The following CRY1 variants were observed in gnomAD, a reference collection of about 807,000 sequenced individuals.
The protein encoded by CRY1 is cryptochrome circadian regulator 1, also known as cryptochrome-1.
In CRY1, 45 loss-of-function variants were observed where a neutral mutation model predicts 76.0. The ratio of observed to expected loss-of-function variants is 0.59; its 90% CI spans 0.47 to 0.76. CRY1 has a LOEUF of 0.76. Ranked by LOEUF, CRY1 falls within the 30% of genes least tolerant of loss-of-function variation. The probability of loss-of-function intolerance (pLI) is 0.00; values close to 1 mark genes in which losing one functional copy is unlikely to be tolerated. For synonymous variants in CRY1, 248 were observed against 244.0 expected (o/e 1.02, Z -0.15); for missense variants, 587 against 716.4 (o/e 0.82, Z 2.06).
chr12:107,007,159 A>G (rs562615400), intron 2 of CRY1, among the ~76,000 whole-genome samples: 44 of 152,350 alleles, frequency 2.9e-4, no homozygotes, highest in Non-Finnish European at 4.9e-4. Context: ...TGAAATTTAA[A>G]AATAAAACTA....
In CRY1 at chr12:107,021,707, T is replaced by G. The variant is rs982719641; in HGVS notation, c.267+377A>C. 2.0e-5 allele frequency among the ~76,000 whole-genome samples: 3 copies of G among 151,872 alleles called. No homozygotes were observed. The East Asian group carries it at 5.8e-4, about 29-fold the overall frequency. On this transcript the variant is annotated intron_variant, in intron 2 of 12. Transcript: ENST00000008527. ...ATGTGTGTGTGTGTATACACATATA[T>G]ATATACACACACACACACAAAAATA...
chr12:107,001,735 G>C (rs115638796), intron 4 of CRY1, 29 bp downstream of exon 4: 1 of 1,485,632 alleles, frequency 6.7e-7, no homozygotes, highest in African/African-American at 1.5e-5. Context: ...TAACTTGCAA[G>C]CCTCACACTG....
chr12:107,050,611 G>A (rs1216817516), intron 1 of CRY1, among the ~76,000 whole-genome samples: 3 of 152,156 alleles, frequency 2.0e-5, no homozygotes, highest in Non-Finnish European at 2.9e-5. Flanking sequence ...GTTAGCAGCA[G>A]CTTCCAGTAT....
At chr12:107,011,994 A>T (rs1952449987) in intron 2 of CRY1, among the ~76,000 whole-genome samples, 1 of 152,154 alleles carries the variant, frequency 6.6e-6, no homozygotes, top group Non-Finnish European at 1.5e-5. Flanking sequence ...GTTCGAGACC[A>T]GTCTGGCCAA....
At chr12:107,068,060 G>C (rs1053498591) in intron 1 of CRY1, among the ~76,000 whole-genome samples, 1 of 152,130 alleles carries the variant, frequency 6.6e-6, no homozygotes, top group African/African-American at 2.4e-5. Context: ...AGCCAACTAT[G>C]GGTCAAGCCA....
chr12:107,009,459 A>G (rs1318699164), intron 2 of CRY1, among the ~76,000 whole-genome samples: 1 of 151,486 alleles, frequency 6.6e-6, no homozygotes, highest in Non-Finnish European at 1.5e-5. Flanking sequence ...GAATTGCTTG[A>G]ACCCGGGAGG....
chr12:107,066,045 C>T (rs553954599), intron 1 of CRY1, among the ~76,000 whole-genome samples: 240 of 152,264 alleles, frequency 1.6e-3, no homozygotes, highest in Middle Eastern at 6.8e-3. Context: ...TATCATAAGG[C>T]TCATTCTGAC....
intron 2 of CRY1, among the ~76,000 whole-genome samples, chr12:107,021,205 C>T (rs547945526): frequency 9.9e-5 from 15 of 152,228 alleles, no homozygotes; most frequent in African/African-American, 3.4e-4. Context: ...ATCACCTGAA[C>T]CCAGGAGGCA....
At chr12:107,004,843 C>G (rs1263867275) in intron 3 of CRY1, among the ~76,000 whole-genome samples, 1 of 152,112 alleles carries the variant, frequency 6.6e-6, no homozygotes, top group Non-Finnish European at 1.5e-5. Context: ...CTGTAATAGT[C>G]TTAATCCATA....
chr12:107,046,970 G>A (rs1339517909), intron 1 of CRY1, among the ~76,000 whole-genome samples: 2 of 152,142 alleles, frequency 1.3e-5, no homozygotes, highest in Non-Finnish European at 2.9e-5. Context: ...AGATCATCTA[G>A]GCAGAAGAAA....
At chr12:107,066,097 A>G (rs906693628) in intron 1 of CRY1, among the ~76,000 whole-genome samples, 1 of 152,210 alleles carries the variant, frequency 6.6e-6, no homozygotes, top group Non-Finnish European at 1.5e-5. Flanking sequence ...AATAAAGTGA[A>G]TATTATTTCT....
In CRY1 at chr12:106,992,787, C is replaced by T; in HGVS notation, c.1761G>A (p.Ter587=). ...GPKVQRQSTN[*] Reference sequence around the variant, plus strand: ...AGAAATACAGCTCTAAAATATTTACCTAATTAGTGCTCTGTCTCTGGACTT... The same window carrying T: ...AGAAATACAGCTCTAAAATATTTACTTAATTAGTGCTCTGTCTCTGGACTT... Residue 587 remains the stop codon, a splice_region_variant and stop_retained_variant, in exon 12 of 13, where the codon TAG becomes TAA. Transcript: ENST00000008527. The T allele has an allele frequency of 6.2e-7, 1 of 1,607,794 alleles. No homozygotes were observed. Among genetic ancestry groups the T allele is most frequent in the Non-Finnish European group, 8.5e-7 (1 of 1,174,684 alleles).
intron 1 of CRY1, among the ~76,000 whole-genome samples, chr12:107,077,554 T>C (rs1395993477): frequency 6.6e-6 from 1 of 152,232 alleles, no homozygotes; most frequent in Non-Finnish European, 1.5e-5. Context: ...ATTCAAAGAA[T>C]TACATATTCA....
chr12:107,090,928 T>C (rs377456071), intron 1 of CRY1, among the ~76,000 whole-genome samples: 12 of 152,316 alleles, frequency 7.9e-5, no homozygotes, highest in African/African-American at 2.9e-4. Context: ...CTTAGCAAAG[T>C]GTAGCCCCAT....
chr12:107,025,003 T>A (rs1269860520), intron 1 of CRY1, among the ~76,000 whole-genome samples: 2 of 152,244 alleles, frequency 1.3e-5, no homozygotes, highest in Non-Finnish European at 2.9e-5. Flanking sequence ...TATGATGCTA[T>A]TCTTTGTTAT....
At position 107,000,092 on chromosome 12, in the gene CRY1, C is replaced by T. The variant is rs1449136346; in HGVS notation, c.685-10G>A. ...AATTTGCCACCCAAGCCTGAAAACA[C>T]ACAGAGAAAATTATATTAACTAATT... is the stretch of plus-strand genomic sequence containing the variant. On this transcript the variant is annotated splice_polypyrimidine_tract_variant and intron_variant, in intron 5 of 12. Coordinates refer to ENST00000008527, the MANE Select transcript of CRY1 (RefSeq NM_004075.5). 1 of 1,582,836 alleles carries T rather than the reference C, an allele frequency of 6.3e-7. No homozygotes were observed.
At position 107,022,084 on chromosome 12, in the gene CRY1, C is replaced by A; in HGVS notation, c.267G>T (p.Lys89Asn). 6.3e-7 allele frequency: 1 copy of A among 1,590,508 alleles called. No individual in the cohort carries two copies. Residue 89 changes from lysine to asparagine, a missense_variant and splice_region_variant, in exon 2 of 13, where the codon AAG becomes AAT. By Grantham distance (94) the Lys-to-Asn change is moderately conservative. Coordinates refer to ENST00000008527, the MANE Select transcript of CRY1 (RefSeq NM_004075.5). ...QPADVFPRLFKEWNITKLSIE... is the reference protein window; with the variant it reads ...QPADVFPRLFNEWNITKLSIE... Reference sequence around the variant, plus strand: ...TTTATGCAAATATTTTTCAAATTACCTTGAAAAGCCTGGGAAACACATCTG... The same window carrying A: ...TTTATGCAAATATTTTTCAAATTACATTGAAAAGCCTGGGAAACACATCTG...
intron 1 of CRY1, among the ~76,000 whole-genome samples, chr12:107,090,464 T>C (rs1462948630): frequency 6.6e-6 from 1 of 152,228 alleles, no homozygotes; most frequent in East Asian, 1.9e-4. Context: ...CGCAGTCTCA[T>C]ATGCTGGTTC....
chr12:107,025,285 A>T (rs1479105732), intron 1 of CRY1, among the ~76,000 whole-genome samples: 1 of 152,236 alleles, frequency 6.6e-6, no homozygotes, highest in Non-Finnish European at 1.5e-5. Context: ...CTACATATGT[A>T]TCTGGTTTAA....
Sources: allele counts gnomAD v4.1 joint callset (sites outside exome capture counted in the v4.1 genomes callset), GRCh38; gene constraint gnomAD v4.1.1; transcripts MANE v1.5; gene names NCBI Gene and HGNC (gene_info 2026-07-23, HGNC 2026-07-21).